The following ASIC2 variants were observed in gnomAD, a reference collection of about 807,000 sequenced individuals.
ASIC2 encodes the protein acid-sensing ion channel 2.
In ASIC2, 25 loss-of-function variants were observed where a neutral mutation model predicts 57.3. The observed-to-expected ratio is 0.44, with a 90% confidence interval of 0.32 to 0.61. The LOEUF is 0.61. ASIC2 is among the 20% of genes least tolerant of loss of function. The pLI is 0.06. For synonymous variants in ASIC2, 319 were observed against 307.5 expected (o/e 1.04, Z -0.39); for missense variants, 641 against 738.1 (o/e 0.87, Z 1.52).
intron 1 of ASIC2, among the ~76,000 whole-genome samples, chr17:33,539,330 G>A (rs981638339): frequency 5.3e-5 from 8 of 152,236 alleles, no homozygotes; most frequent in Non-Finnish European, 7.3e-5. Flanking sequence ...TCAAGGCTGC[G>A]CCTGCCATTG....
At chr17:33,124,557 C>G (rs2092316051) in intron 1 of ASIC2, among the ~76,000 whole-genome samples, 1 of 152,174 alleles carries the variant, frequency 6.6e-6, no homozygotes, top group African/African-American at 2.4e-5. Flanking sequence ...CATATGAGTG[C>G]TACTGGTGGT....
chr17:33,579,349 C>T (rs1054169817), intron 1 of ASIC2, among the ~76,000 whole-genome samples: 8 of 150,396 alleles, frequency 5.3e-5, no homozygotes, highest in African/African-American at 2.0e-4. Flanking sequence ...CACTGGAACA[C>T]GATGTGGCTT....
chr17:33,904,385 C>A (rs1016861095), intron 1 of ASIC2, among the ~76,000 whole-genome samples: 18 of 152,002 alleles, frequency 1.2e-4, no homozygotes, highest in Admixed American at 5.9e-4. Context: ...TGAGTAGCAC[C>A]GGTGTTAAGC....
At chr17:33,878,277 AG>A (rs1483090401) in intron 1 of ASIC2, among the ~76,000 whole-genome samples, 5 of 152,260 alleles carry the variant, frequency 3.3e-5, no homozygotes, top group African/African-American at 1.2e-4. Flanking sequence ...TGACAAGTTG[AG>A]AGAAGAAGGC....
chr17:33,864,385 C>T (rs1389990563), intron 1 of ASIC2, among the ~76,000 whole-genome samples: 1 of 152,122 alleles, frequency 6.6e-6, no homozygotes, highest in Non-Finnish European at 1.5e-5. Flanking sequence ...AATTACCTAA[C>T]ATGTGGGAAA....
intron 1 of ASIC2, among the ~76,000 whole-genome samples, chr17:33,388,871 T>C (rs1183063883): frequency 6.6e-6 from 1 of 152,202 alleles, no homozygotes; most frequent in Non-Finnish European, 1.5e-5. Context: ...TGCTTCCAAC[T>C]TGCAAGACCT....
At chr17:33,721,928 C>T (rs1318542704) in intron 1 of ASIC2, among the ~76,000 whole-genome samples, 1 of 152,208 alleles carries the variant, frequency 6.6e-6, no homozygotes, top group Non-Finnish European at 1.5e-5. Flanking sequence ...GAAGGCACAT[C>T]AAAAGACATG....
chr17:33,646,586 ACAGACACTTCTACAC>A (rs1450382336), intron 1 of ASIC2, among the ~76,000 whole-genome samples: 1 of 152,186 alleles, frequency 6.6e-6, no homozygotes, highest in Non-Finnish European at 1.5e-5. Flanking sequence ...TTTGTATAGA[ACAGACACTTCTACAC>A]CTTAGTTTCT....
intron 9 of ASIC2, 68 bp from the exon 10 acceptor site, chr17:33,014,134 GC>G: frequency 7.9e-7 from 1 of 1,259,418 alleles, no homozygotes; most frequent in Non-Finnish European, 1.1e-6. Context: ...GCCACCAGCG[GC>G]CCAGCCTAGG....
chr17:33,484,672 G>T (rs1414862827), intron 1 of ASIC2, among the ~76,000 whole-genome samples: 1 of 152,184 alleles, frequency 6.6e-6, no homozygotes, highest in Non-Finnish European at 1.5e-5. Flanking sequence ...GGTGGGACTG[G>T]ACTCTGGAAG....
chr17:33,464,547 T>TTTCTTTCC (rs2141914754), intron 1 of ASIC2, among the ~76,000 whole-genome samples: 1 of 117,664 alleles, frequency 8.5e-6, no homozygotes, highest in African/African-American at 3.3e-5. Flanking sequence ...TTTCTCTTTC[T>TTTCTTTCC]TTCTTTCTTT....
chr17:34,023,788 T>C (rs866581612), intron 1 of ASIC2, among the ~76,000 whole-genome samples: 1 of 152,168 alleles, frequency 6.6e-6, no homozygotes, highest in African/African-American at 2.4e-5. Flanking sequence ...TCTTTATAAA[T>C]TACCCAGTCT....
chr17:33,630,101 G>A (rs1261215587), intron 1 of ASIC2, among the ~76,000 whole-genome samples: 1 of 152,138 alleles, frequency 6.6e-6, no homozygotes, highest in Admixed American at 6.5e-5. Context: ...AGTTGCCCCA[G>A]GGATGTTTCT....
At chr17:33,770,436 C>T (rs1232777392) in intron 1 of ASIC2, among the ~76,000 whole-genome samples, 1 of 152,160 alleles carries the variant, frequency 6.6e-6, no homozygotes, top group Admixed American at 6.5e-5. Flanking sequence ...TTAATGTAGG[C>T]TTGTTGTTTT....
At chr17:33,163,099 G>A (rs538227300) in intron 1 of ASIC2, among the ~76,000 whole-genome samples, 1 of 152,158 alleles carries the variant, frequency 6.6e-6, no homozygotes, top group Non-Finnish European at 1.5e-5. Context: ...GGAGTAGGGG[G>A]TGGTCTGAGA....
intron 1 of ASIC2, among the ~76,000 whole-genome samples, chr17:34,000,547 C>T (rs942059729): frequency 4.6e-5 from 7 of 152,132 alleles, no homozygotes; most frequent in Non-Finnish European, 1.0e-4. Flanking sequence ...GCCACCACAC[C>T]CAGCCAAAGA....
chr17:34,022,149 C>T (rs1907187618), intron 1 of ASIC2, among the ~76,000 whole-genome samples: 1 of 152,072 alleles, frequency 6.6e-6, no homozygotes, highest in South Asian at 2.1e-4. Context: ...TTATGTGCAG[C>T]CAGGATTAAG....
intron 1 of ASIC2, among the ~76,000 whole-genome samples, chr17:33,508,098 TC>T (rs1914320320): frequency 6.6e-6 from 1 of 151,904 alleles, no homozygotes; most frequent in Non-Finnish European, 1.5e-5. Flanking sequence ...TCCTCCCTTT[TC>T]CATCTTTTCT....
chr17:33,142,739 C>T (rs1350778638), intron 1 of ASIC2, among the ~76,000 whole-genome samples: 1 of 152,194 alleles, frequency 6.6e-6, no homozygotes, highest in East Asian at 1.9e-4. Context: ...CTCCTTTGGG[C>T]CTCACTGGAA....
Sources: allele counts gnomAD v4.1 joint callset (sites outside exome capture counted in the v4.1 genomes callset), GRCh38; gene constraint gnomAD v4.1.1; transcripts MANE v1.5; gene names NCBI Gene and HGNC (gene_info 2026-07-23, HGNC 2026-07-21).